The following PEBP4 variants were observed in gnomAD, a reference collection of about 807,000 sequenced individuals.
The protein encoded by PEBP4 is phosphatidylethanolamine binding protein 4.
In PEBP4, 22 loss-of-function variants were observed where a neutral mutation model predicts 23.9. The ratio of observed to expected loss-of-function variants is 0.92; its 90% CI spans 0.66 to 1.31. The LOEUF is 1.31. Among genes scored for constraint, PEBP4 ranks in the 40% most tolerant of loss-of-function variants. The pLI is 0.00. For synonymous variants in PEBP4, 112 were observed against 99.3 expected (o/e 1.13, Z -0.76); for missense variants, 324 against 281.7 (o/e 1.15, Z -1.07).
intron 1 of PEBP4, among the ~76,000 whole-genome samples, chr8:22,933,670 A>C (rs932552278): frequency 1.2e-4 from 19 of 152,256 alleles, no homozygotes; most frequent in Admixed American, 5.9e-4. Flanking sequence ...AGAAATGCTG[A>C]AAGTAGATCT....
chr8:22,902,049 T>A (rs1037542794), intron 3 of PEBP4, among the ~76,000 whole-genome samples: 1 of 152,254 alleles, frequency 6.6e-6, no homozygotes, highest in African/African-American at 2.4e-5. Context: ...CCGGGCGCAG[T>A]GGCTCATGCC....
At chr8:22,800,026 A>G (rs1806349477) in intron 4 of PEBP4, among the ~76,000 whole-genome samples, 2 of 150,650 alleles carry the variant, frequency 1.3e-5, no homozygotes, top group African/African-American at 5.0e-5. Flanking sequence ...ATGCAGCCAT[A>G]AAAAAGGATG....
chr8:22,744,429 T>C (rs1245150559), intron 4 of PEBP4, among the ~76,000 whole-genome samples: 1 of 152,206 alleles, frequency 6.6e-6, no homozygotes, highest in Non-Finnish European at 1.5e-5. Flanking sequence ...AAAAGACTCA[T>C]GTATGAGTCA....
intron 3 of PEBP4, chr8:22,884,805 A>G (rs1384720098): frequency 6.6e-6 from 1 of 152,104 alleles, no homozygotes; most frequent in African/African-American, 2.4e-5. Context: ...TCCAATGTGA[A>G]TGTTTGCCTC....
At chr8:22,883,261 T>A (rs1808301602) in intron 3 of PEBP4, among the ~76,000 whole-genome samples, 1 of 152,248 alleles carries the variant, frequency 6.6e-6, no homozygotes. Context: ...CACTTTCTGA[T>A]GTGAGAACAG....
Position 22,788,395 on chromosome 8 carries a change from G to C in PEBP4, c.357+29242C>G, listed in dbSNP as rs192646876. On this transcript the variant is annotated intron_variant, in intron 4 of 6. Transcript: ENST00000256404. ...CCTGCTCTTAGGCGGAAGCCGTGTG[G>C]CTATGAGGGCCCATGAGAGGTGACG... Among the ~76,000 whole-genome samples the C allele has an allele frequency of 1.3e-4, 20 of 152,310 alleles. No individual in the cohort carries two copies. The East Asian group carries it at 3.3e-3, about 25-fold the overall frequency.
intron 4 of PEBP4, among the ~76,000 whole-genome samples, chr8:22,749,805 C>CTTTTTTTTTTTTGTTTTTTT (rs1805209961): frequency 1.2e-5 from 1 of 83,762 alleles, no homozygotes; most frequent in Non-Finnish European, 2.4e-5. Context: ...GTTTGTCATT[C>CTTTTTTTTTTTTGTTTTTTT]TTTTTTTTTT....
chr8:22,815,548 T>A (rs923906349), intron 4 of PEBP4, among the ~76,000 whole-genome samples: 3 of 152,198 alleles, frequency 2.0e-5, no homozygotes, highest in Non-Finnish European at 4.4e-5. Context: ...TGGTGGAATT[T>A]TGGGGAAGGT....
intron 4 of PEBP4, among the ~76,000 whole-genome samples, chr8:22,743,731 C>T (rs1805049776): frequency 6.6e-6 from 1 of 152,234 alleles, no homozygotes; most frequent in African/African-American, 2.4e-5. Flanking sequence ...ACACTTGTCA[C>T]ACATGGAGGC....
At chr8:22,767,853 C>T (rs1203903436) in intron 4 of PEBP4, among the ~76,000 whole-genome samples, 1 of 152,116 alleles carries the variant, frequency 6.6e-6, no homozygotes, top group East Asian at 1.9e-4. Context: ...GATTCTCCCG[C>T]CTCAGCCTCC....
intron 4 of PEBP4, among the ~76,000 whole-genome samples, chr8:22,752,932 AC>A (rs1202494644): frequency 6.6e-6 from 1 of 151,716 alleles, no homozygotes; most frequent in Non-Finnish European, 1.5e-5. Flanking sequence ...TTCCTTCACC[AC>A]CCCATCCCTT....
chr8:22,909,941 A>G (rs1447474815), intron 3 of PEBP4, among the ~76,000 whole-genome samples: 7 of 152,244 alleles, frequency 4.6e-5, no homozygotes, highest in Non-Finnish European at 2.9e-5. Context: ...AGTGGGTGGG[A>G]AAAAGGCTAC....
chr8:22,714,917 A>G (rs1218547395), intron 6 of PEBP4, among the ~76,000 whole-genome samples: 2 of 152,244 alleles, frequency 1.3e-5, no homozygotes, highest in Non-Finnish European at 2.9e-5. Flanking sequence ...TGCAAACAAT[A>G]ATAGCAGTAA....
chr8:22,724,419 A>G (rs186938829), intron 6 of PEBP4, among the ~76,000 whole-genome samples: 1 of 152,304 alleles, frequency 6.6e-6, no homozygotes, highest in Non-Finnish European at 1.5e-5. Context: ...GTAATTAGCA[A>G]CCCATGAGGA....
At chr8:22,730,328 G>A (rs1233929454) in intron 4 of PEBP4, among the ~76,000 whole-genome samples, 1 of 152,208 alleles carries the variant, frequency 6.6e-6, no homozygotes, top group Non-Finnish European at 1.5e-5. Flanking sequence ...CTTGAGCCAA[G>A]GAGTTTGAGA....
At chr8:22,831,796 G>C (rs1414201553) in intron 3 of PEBP4, among the ~76,000 whole-genome samples, 1 of 152,184 alleles carries the variant, frequency 6.6e-6, no homozygotes, top group Non-Finnish European at 1.5e-5. Context: ...GCCTGGCAAA[G>C]GAAGCAGCAC....
intron 4 of PEBP4, among the ~76,000 whole-genome samples, chr8:22,786,584 C>T (rs913246178): frequency 4.6e-5 from 7 of 152,010 alleles, no homozygotes; most frequent in African/African-American, 1.7e-4. Context: ...ATGCCTGGCC[C>T]CTCTGGATTT....
intron 4 of PEBP4, among the ~76,000 whole-genome samples, chr8:22,767,074 G>T (rs1360556824): frequency 1.3e-5 from 2 of 152,234 alleles, no homozygotes; most frequent in Non-Finnish European, 2.9e-5. Flanking sequence ...ATACGAAGGG[G>T]TGTTCCGGAT....
chr8:22,876,849 A>G (rs1808132354), intron 3 of PEBP4, among the ~76,000 whole-genome samples: 1 of 152,214 alleles, frequency 6.6e-6, no homozygotes, highest in Non-Finnish European at 1.5e-5. Flanking sequence ...GTTAATGTTC[A>G]GGGTAGAAAG....
Sources: allele counts gnomAD v4.1 joint callset (sites outside exome capture counted in the v4.1 genomes callset), GRCh38; gene constraint gnomAD v4.1.1; transcripts MANE v1.5; gene names NCBI Gene and HGNC (gene_info 2026-07-23, HGNC 2026-07-21).